SORCS2: variants seen among roughly 807,000 people sequenced by gnomAD.
SORCS2 encodes the protein sortilin related VPS10 domain containing receptor 2.
In SORCS2, 100 loss-of-function variants were observed where a neutral mutation model predicts 141.6. The ratio of observed to expected loss-of-function variants is 0.71; its 90% confidence interval spans 0.60 to 0.83. The LOEUF (loss-of-function observed/expected upper bound fraction) is 0.83. SORCS2 is among the 40% of genes least tolerant of loss of function. SORCS2 has a pLI of 0.00. For missense variants in SORCS2, 1,646 were observed against 1,560.2 expected, an observed-to-expected ratio of 1.05 and a Z score of -0.93; for synonymous variants, 789 against 676.9, an observed-to-expected ratio of 1.17 and a Z score of -2.57.
intron 2 of SORCS2, among the ~76,000 whole-genome samples, chr4:7,421,594 G>A (rs1217461384): frequency 2.0e-5 from 3 of 149,762 alleles, no homozygotes; most frequent in African/African-American, 7.4e-5. Flanking sequence ...GGGAGTGTGG[G>A]GGGTGAGGTT....
chr4:7,438,716 TG>T (rs777276921), intron 2 of SORCS2, among the ~76,000 whole-genome samples: 4 of 152,100 alleles, frequency 2.6e-5, no homozygotes, highest in East Asian at 1.9e-4. Flanking sequence ...TTTTTACTTA[TG>T]TTTTTTTAAA....
chr4:7,406,349 G>A (rs1301335269), intron 2 of SORCS2, among the ~76,000 whole-genome samples: 3 of 138,916 alleles, frequency 2.2e-5, no homozygotes, highest in Non-Finnish European at 4.6e-5. Context: ...ATTGAGTGGT[G>A]AAACCATTGG....
chr4:7,394,769 G>A (rs1046720042), intron 1 of SORCS2, among the ~76,000 whole-genome samples: 8 of 152,098 alleles, frequency 5.3e-5, no homozygotes, highest in African/African-American at 1.9e-4. Context: ...CTGCAGAAAG[G>A]CAGGGTGCCC....
intron 2 of SORCS2, among the ~76,000 whole-genome samples, chr4:7,469,391 T>G (rs1035621455): frequency 6.6e-6 from 1 of 152,220 alleles, no homozygotes; most frequent in African/African-American, 2.4e-5. Context: ...GCTTTGGGAA[T>G]GCATTGGTTG....
At chr4:7,396,413 C>G (rs1724218744) in intron 2 of SORCS2, 58 bp downstream of exon 2, 1 of 1,574,990 alleles carries the variant, frequency 6.3e-7, no homozygotes, top group South Asian at 1.1e-5. Flanking sequence ...TCTTCCCAGG[C>G]TCTCAGCTGA....
chr4:7,564,121 G>A (rs528022679), intron 3 of SORCS2, among the ~76,000 whole-genome samples: 4 of 152,182 alleles, frequency 2.6e-5, no homozygotes, highest in East Asian at 1.9e-4. Flanking sequence ...GGTGTCTCCC[G>A]GCTTCACTGA....
chr4:7,729,736 C>T (rs778604049), intron 23 of SORCS2, 24 bp downstream of exon 23: 1 of 1,602,764 alleles, frequency 6.2e-7, no homozygotes, highest in Non-Finnish European at 8.5e-7. Flanking sequence ...CCGCTGCACT[C>T]CCAGGTCCTC....
chr4:7,651,710 T>A (rs921266217), intron 4 of SORCS2, among the ~76,000 whole-genome samples: 1 of 152,164 alleles, frequency 6.6e-6, no homozygotes, highest in Non-Finnish European at 1.5e-5. Flanking sequence ...TGTAGCTTTT[T>A]CCCTCCGCAC....
chr4:7,358,607 C>G (rs1721400567), intron 1 of SORCS2, among the ~76,000 whole-genome samples: 1 of 152,188 alleles, frequency 6.6e-6, no homozygotes, highest in Non-Finnish European at 1.5e-5. Flanking sequence ...ATGCATGACT[C>G]GTGTCCTCTA....
chr4:7,346,500 A>G (rs1720660753), intron 1 of SORCS2, among the ~76,000 whole-genome samples: 1 of 152,192 alleles, frequency 6.6e-6, no homozygotes, highest in African/African-American at 2.4e-5. Flanking sequence ...CTTGAAAATA[A>G]TCTGTACTCA....
At chr4:7,302,822 C>A (rs950784661) in intron 1 of SORCS2, among the ~76,000 whole-genome samples, 1 of 128,432 alleles carries the variant, frequency 7.8e-6, no homozygotes, top group Non-Finnish European at 1.8e-5. Context: ...TAGGAGTGTT[C>A]TCCTATACCT....
chr4:7,531,127 CAGCCA>C (rs1711601213), intron 2 of SORCS2, among the ~76,000 whole-genome samples: 2 of 152,220 alleles, frequency 1.3e-5, no homozygotes, highest in African/African-American at 4.8e-5. Flanking sequence ...AATCCTGAGT[CAGCCA>C]CTTATTAACT....
intron 1 of SORCS2, among the ~76,000 whole-genome samples, chr4:7,314,788 G>T (rs1349989738): frequency 6.8e-6 from 1 of 147,192 alleles, no homozygotes; most frequent in Non-Finnish European, 1.5e-5. Context: ...CCAGGAGCCT[G>T]CCCACTGTTC....
chr4:7,209,757 A>G lies in SORCS2; in HGVS notation c.480+16631A>G, dbSNP rs555592982. ...TGGCATGATCAGAGAAGGGACGAAG[A>G]CCAGGCAGAACCTACCGACCAACCA... On this transcript the variant is annotated intron_variant, in intron 1 of 26. Coordinates refer to ENST00000507866, the MANE Select transcript of SORCS2 (RefSeq NM_020777.3). Among the ~76,000 whole-genome samples the G allele has an allele frequency of 8.0e-4, 122 of 152,112 alleles. 1 individual carries two copies. The highest frequency in any genetic ancestry group is 2.8e-3 in the African/African-American group (118 of 41,498).
At chr4:7,391,023 G>T (rs568943180) in intron 1 of SORCS2, among the ~76,000 whole-genome samples, 1 of 152,298 alleles carries the variant, frequency 6.6e-6, no homozygotes, top group African/African-American at 2.4e-5. Context: ...GTCTAAGTTT[G>T]TGTGGATGGA....
At chr4:7,198,289 T>C (rs1047178278) in intron 1 of SORCS2, among the ~76,000 whole-genome samples, 3 of 152,034 alleles carry the variant, frequency 2.0e-5, no homozygotes, top group African/African-American at 7.2e-5. Flanking sequence ...GCAGAGACCA[T>C]GTGAGTTCTT....
At position 7,726,884 on chromosome 4, in the gene SORCS2, C is replaced by A. The variant is rs1727256836; in HGVS notation, c.2850C>A (p.Ser950=). The A allele has an allele frequency of 6.2e-7, 1 of 1,613,546 alleles. No individual in the cohort carries two copies. The highest frequency in any genetic ancestry group is 8.5e-7 in the Non-Finnish European group (1 of 1,179,720). The change falls in exon 21 of 27, where the codon TCC becomes TCA. Residue 950 remains serine, a synonymous_variant. Transcript: ENST00000507866. ...AACGNSVLQD[S]RVLRVLDQFQ... ...GTGGGAACTCGGTGCTGCAGGACTCCAGGGTCCTCCGTGTGCTGGGTAAGT... is the reference window on the plus strand; with the variant it reads ...GTGGGAACTCGGTGCTGCAGGACTCAAGGGTCCTCCGTGTGCTGGGTAAGT...
At chr4:7,303,187 C>G (rs981391867) in intron 1 of SORCS2, among the ~76,000 whole-genome samples, 1 of 152,156 alleles carries the variant, frequency 6.6e-6, no homozygotes, top group Non-Finnish European at 1.5e-5. Flanking sequence ...TGGGGTCAGC[C>G]GAGAGACAGC....
chr4:7,657,722 G>A (rs183675013), intron 5 of SORCS2, among the ~76,000 whole-genome samples: 49 of 152,184 alleles, frequency 3.2e-4, no homozygotes, highest in Non-Finnish European at 5.1e-4. Flanking sequence ...GTAGCTGAGT[G>A]AGTGAGTCTG....
Sources: gnomAD v4.1 joint callset for allele counts (sites outside exome capture counted in the v4.1 genomes callset) on GRCh38, gnomAD v4.1.1 for gene constraint, MANE v1.5 for transcripts, NCBI Gene and HGNC (gene_info 2026-07-23, HGNC 2026-07-21) for gene names.